SLC6A5: variants seen among roughly 807,000 people sequenced by gnomAD.
SLC6A5 encodes the protein solute carrier family 6 member 5.
In SLC6A5, 58 loss-of-function variants were observed where a neutral mutation model predicts 90.5. The observed-to-expected ratio is 0.64, with a 90% CI of 0.52 to 0.80. The LOEUF (loss-of-function observed/expected upper bound fraction) is 0.80. Among genes scored for constraint, SLC6A5 ranks in the 30% least tolerant of loss-of-function variants. The pLI is 0.00. For synonymous variants in SLC6A5, 427 were observed against 401.4 expected, an observed-to-expected ratio of 1.06 and a Z score of -0.76; for missense variants, 1,015 against 1,017.6, an observed-to-expected ratio of 1.00 and a Z score of 0.03.
intron 14 of SLC6A5, among the ~76,000 whole-genome samples, chr11:20,651,635 C>T (rs1853534221): frequency 6.6e-6 from 1 of 151,700 alleles, no homozygotes; most frequent in South Asian, 2.1e-4. Context: ...GGGCTGGGCA[C>T]AGTGGCTCAC....
chr11:20,654,660 G>T, intron 15 of SLC6A5, 53 bp from the exon 16 acceptor site: 1 of 1,598,422 alleles, frequency 6.3e-7, no homozygotes, highest in Non-Finnish European at 8.6e-7. Flanking sequence ...TCGTCCCCAG[G>T]TGAGGAAGGT....
intron 6 of SLC6A5, among the ~76,000 whole-genome samples, chr11:20,616,768 G>T (rs929787830): frequency 6.6e-6 from 1 of 152,194 alleles, no homozygotes; most frequent in Non-Finnish European, 1.5e-5. Context: ...GTTATGAAAA[G>T]CATGTCTGTG....
intron 14 of SLC6A5, among the ~76,000 whole-genome samples, chr11:20,651,328 C>T (rs575387239): frequency 2.0e-5 from 3 of 148,192 alleles, no homozygotes; most frequent in East Asian, 2.1e-4. Context: ...GGTTGGGGTA[C>T]GGTGGCATGA....
rs78954020 is a variant in SLC6A5 at position 20,610,432 on chromosome 11, C to T, written c.985+2780C>T. Among the ~76,000 whole-genome samples, 33 of 152,338 alleles carry T rather than the reference C, an allele frequency of 2.2e-4. No individual in the cohort carries two copies. The East Asian group carries it at 5.8e-3, about 27-fold the overall frequency. On this transcript the variant is annotated intron_variant, in intron 5 of 15. Coordinates refer to ENST00000525748, the MANE Select transcript of SLC6A5 (RefSeq NM_004211.5). ...GCGGCGGCAGTGATCTACAGACATC[C>T]AGAGACGCTCTCTAGTGAGGCTGCC... is the stretch of plus-strand genomic sequence containing the variant.
chr11:20,622,351 G>A (rs567456124), intron 7 of SLC6A5, among the ~76,000 whole-genome samples: 1 of 152,294 alleles, frequency 6.6e-6, no homozygotes, highest in South Asian at 2.1e-4. Flanking sequence ...AAATTGAGAG[G>A]CGCTCACTCT....
At chr11:20,609,294 T>C (rs902325425) in intron 5 of SLC6A5, among the ~76,000 whole-genome samples, 4 of 152,056 alleles carry the variant, frequency 2.6e-5, no homozygotes, top group Admixed American at 2.6e-4. Flanking sequence ...TTTTTTTTTT[T>C]TTGGTGAAAA....
Position 20,655,116 on chromosome 11 carries a change from G to A in SLC6A5, c.*248G>A, listed in dbSNP as rs1489335733. 3.9e-6 allele frequency: 2 copies of A among 514,298 alleles called. 1 individual carries two copies. The highest frequency in any genetic ancestry group is 7.2e-6 in the Non-Finnish European group (2 of 276,750). The allele number at this position is 514,298 out of a possible 1,614,324, so 31.9% of individuals were successfully genotyped here. On this transcript the variant is annotated 3_prime_UTR_variant, in exon 16 of 16. Coordinates refer to ENST00000525748, the MANE Select transcript of SLC6A5 (RefSeq NM_004211.5). ...CTGTTTCTGGTCAGGTTGGTCCCCT[G>A]ACCACACGTTTTACCCTGCAGAGGA...
In SLC6A5 at chr11:20,601,653, C is replaced by T. The variant is rs573629406; in HGVS notation, c.528C>T (p.Thr176=). 20 of 1,613,612 alleles carry T rather than the reference C, an allele frequency of 1.2e-5. No individual in the cohort carries two copies. Among genetic ancestry groups the T allele is most frequent in the Non-Finnish European group, 1.6e-5 (19 of 1,179,948 alleles). ...ITSVLPGSVA[T]VATQEDEQGD... is the part of the protein sequence containing the mutation. ...CCGTGCTCCCGGGCAGCGTGGCCAC[C>T]GTTGCCACCCAGGTAAGCAGGTTGC... Residue 176 remains threonine, a synonymous_variant, in exon 2 of 16, where the codon ACC becomes ACT. Transcript: ENST00000525748.
chr11:20,623,420 A>G (rs1033765945), intron 7 of SLC6A5, among the ~76,000 whole-genome samples: 1 of 152,008 alleles, frequency 6.6e-6, no homozygotes, highest in Non-Finnish European at 1.5e-5. Flanking sequence ...CTGAAAATGT[A>G]TCTGGCATGT....
intron 15 of SLC6A5, among the ~76,000 whole-genome samples, chr11:20,653,379 C>G (rs1250779405): frequency 1.3e-5 from 2 of 152,194 alleles, no homozygotes; most frequent in East Asian, 3.9e-4. Context: ...TTAACAAGCC[C>G]CCTCGTTAGC....
chr11:20,648,754 G>C (rs769899393), intron 14 of SLC6A5, among the ~76,000 whole-genome samples: 1 of 152,134 alleles, frequency 6.6e-6, no homozygotes, highest in African/African-American at 2.4e-5. Flanking sequence ...CACCCCAAAA[G>C]ATACTGTGCT....
At chr11:20,654,679 T>G in intron 15 of SLC6A5, 34 bp from the exon 16 acceptor site, 1 of 1,613,394 alleles carries the variant, frequency 6.2e-7, no homozygotes. Context: ...GTGCACTACT[T>G]CTGTGACCAT....
intron 6 of SLC6A5, among the ~76,000 whole-genome samples, chr11:20,615,862 G>T (rs1852775636): frequency 6.6e-6 from 1 of 152,214 alleles, no homozygotes; most frequent in African/African-American, 2.4e-5. Context: ...CAAAGAGGCT[G>T]CCTGTCGCAT....
intron 10 of SLC6A5, among the ~76,000 whole-genome samples, chr11:20,635,466 C>T (rs1045678980): frequency 6.6e-6 from 1 of 152,012 alleles, no homozygotes; most frequent in Non-Finnish European, 1.5e-5. Context: ...AGTGCAAGAT[C>T]CTGAAAGTGT....
intron 5 of SLC6A5, among the ~76,000 whole-genome samples, chr11:20,612,406 A>G (rs1852711235): frequency 6.6e-6 from 1 of 152,230 alleles, no homozygotes; most frequent in Admixed American, 6.5e-5. Flanking sequence ...AATGGAACTC[A>G]TTCAAGCTCT....
Position 20,601,404 on chromosome 11 carries a change from T to A in SLC6A5, c.279T>A (p.Ala93=). The change falls in exon 2 of 16, where the codon GCT becomes GCA. Residue 93 remains alanine (A), a synonymous_variant. Coordinates refer to ENST00000525748, the MANE Select transcript of SLC6A5 (RefSeq NM_004211.5). The stretch of plus-strand genomic sequence containing the variant: ...CGCGGGCGCAGGCGGCCTCTGCAGC[T>A]CTGCGGGACTTGAGAGAGGCGCAAG... ...SSPRAQAASA[A]LRDLREAQGA... is the part of the protein sequence containing the mutation. 6.2e-7 allele frequency: 1 copy of A among 1,605,352 alleles called. No homozygotes were observed. The highest frequency in any genetic ancestry group is 8.5e-7 in the Non-Finnish European group (1 of 1,176,576).
At position 20,627,972 on chromosome 11, in the gene SLC6A5, C is replaced by T. The variant is rs1853031995; in HGVS notation, c.1396-8C>T. ...GGGTCTTGAATCTCTTTCCCTTTTG[C>T]CTCTCAGGTGTGGAAAGATGCTGCC... On this transcript the variant is annotated splice_region_variant and splice_polypyrimidine_tract_variant and intron_variant, in intron 8 of 15. Coordinates refer to ENST00000525748, the MANE Select transcript of SLC6A5 (RefSeq NM_004211.5). The T allele has an allele frequency of 1.2e-6, 2 of 1,609,166 alleles. No homozygotes were observed. Among genetic ancestry groups the T allele is most frequent in the African/African-American group, 2.7e-5 (2 of 74,812 alleles).
intron 2 of SLC6A5, 63 bp downstream of exon 2, chr11:20,601,728 C>G: frequency 1.3e-6 from 2 of 1,546,670 alleles, no homozygotes; most frequent in South Asian, 1.2e-5. Context: ...GAGAGGCCAG[C>G]CGGGCCGTGG....
At chr11:20,603,321 C>A (rs189074658) in intron 2 of SLC6A5, among the ~76,000 whole-genome samples, 1 of 152,182 alleles carries the variant, frequency 6.6e-6, no homozygotes, top group Non-Finnish European at 1.5e-5. Flanking sequence ...TGGTCTCCCC[C>A]CATTTTTCCT....
Sources: gnomAD v4.1 joint callset for allele counts (sites outside exome capture counted in the v4.1 genomes callset) on GRCh38, gnomAD v4.1.1 for gene constraint, MANE v1.5 for transcripts, NCBI Gene and HGNC (gene_info 2026-07-23, HGNC 2026-07-21) for gene names.